The following PDE1A variants were observed in gnomAD, a reference collection of about 807,000 sequenced individuals.
PDE1A encodes phosphodiesterase 1A.
Under a neutral mutation model 61.7 loss-of-function variants are expected in PDE1A, and 35 were observed. The ratio of observed to expected loss-of-function variants is 0.57; its 90% confidence interval spans 0.43 to 0.75. The LOEUF (loss-of-function observed/expected upper bound fraction) is 0.75, where lower values mean the gene tolerates loss of function less well. Among genes scored for constraint, PDE1A ranks in the 30% least tolerant of loss-of-function variants. The probability of loss-of-function intolerance (pLI) is 0.00; values close to 1 mark genes in which losing one functional copy is unlikely to be tolerated. For missense variants in PDE1A, 597 were observed against 630.6 expected (o/e 0.95, Z 0.57); for synonymous variants, 232 against 213.2 (o/e 1.09, Z -0.77).
the PDE1A span, among the ~76,000 whole-genome samples, chr2:182,710,859 A>G: frequency 1.3e-5 from 2 of 152,140 alleles, no homozygotes; most frequent in African/African-American, 4.8e-5. Flanking sequence ...CTCCACATCT[A>G]TGCTAACTCT....
intron 2 of PDE1A, among the ~76,000 whole-genome samples, chr2:182,497,250 T>A (rs1688771570): frequency 6.6e-6 from 1 of 152,138 alleles, no homozygotes; most frequent in Admixed American, 6.5e-5. Flanking sequence ...TCCAAGAGAA[T>A]CAATTCGTTT....
At chr2:182,463,367 C>T (rs1197424159) in intron 2 of PDE1A, among the ~76,000 whole-genome samples, 1 of 151,906 alleles carries the variant, frequency 6.6e-6, no homozygotes, top group Admixed American at 6.6e-5. Context: ...GACTCTCACC[C>T]CCTGGAATGC....
the PDE1A span, among the ~76,000 whole-genome samples, chr2:182,611,268 A>T: frequency 6.6e-6 from 1 of 152,232 alleles, no homozygotes; most frequent in South Asian, 2.1e-4. Flanking sequence ...CAGAACTCCA[A>T]GCTGTTTACC....
the PDE1A span, among the ~76,000 whole-genome samples, chr2:182,559,109 T>C: frequency 6.6e-6 from 1 of 152,198 alleles, no homozygotes; most frequent in African/African-American, 2.4e-5. Context: ...TTATCTTGAC[T>C]CCTTATATTT....
chr2:182,630,248 CT>C, the PDE1A span, among the ~76,000 whole-genome samples: 3 of 151,908 alleles, frequency 2.0e-5, no homozygotes, highest in Non-Finnish European at 4.4e-5. Flanking sequence ...ATGTTGCTAA[CT>C]TTAATATTTA....
chr2:182,602,992 CACATACAT>C, the PDE1A span, among the ~76,000 whole-genome samples: 61 of 130,492 alleles, frequency 4.7e-4, no homozygotes, highest in South Asian at 1.2e-3. Flanking sequence ...CACACACACA[CACATACAT>C]ACATACATAC....
At chr2:182,179,920 T>C (rs1221632463) in intron 13 of PDE1A, among the ~76,000 whole-genome samples, 2 of 152,236 alleles carry the variant, frequency 1.3e-5, no homozygotes, top group African/African-American at 4.8e-5. Context: ...GTTTTTGCGA[T>C]ATCTGTGAAA....
the PDE1A span, among the ~76,000 whole-genome samples, chr2:182,603,534 G>C: frequency 6.6e-6 from 1 of 152,144 alleles, no homozygotes; most frequent in Non-Finnish European, 1.5e-5. Flanking sequence ...TTTTTTAGTA[G>C]AGACAGGGTT....
chr2:182,620,101 T>C, the PDE1A span, among the ~76,000 whole-genome samples: 1 of 152,192 alleles, frequency 6.6e-6, no homozygotes, highest in African/African-American at 2.4e-5. Context: ...ACACATAGTC[T>C]ACTGGGATTT....
chr2:182,269,434 G>A (rs1323997375), intron 1 of PDE1A, among the ~76,000 whole-genome samples: 1 of 151,858 alleles, frequency 6.6e-6, no homozygotes, highest in Non-Finnish European at 1.5e-5. Flanking sequence ...GTTGTGGTGA[G>A]CCAAGATCGC....
rs55786965 is a variant in PDE1A at position 182,487,613 on chromosome 2, T to C, written c.101+34663A>G. Among the ~76,000 whole-genome samples, 811 of 152,198 alleles carry C rather than the reference T, an allele frequency of 5.3e-3. 6 individuals are homozygous for C. Among genetic ancestry groups the C allele is most frequent in the African/African-American group, 0.018 (754 of 41,532 alleles). ...GTTCTGATATCCACTACAAAAACAC[T>C]GAGAACTGCATATTGCCTGATAGAT... On this transcript the variant is annotated intron_variant, in intron 2 of 14. Coordinates refer to the PDE1A transcript ENST00000410103.
chr2:182,701,807 G>C, the PDE1A span, among the ~76,000 whole-genome samples: 1 of 152,122 alleles, frequency 6.6e-6, no homozygotes, highest in Non-Finnish European at 1.5e-5. Context: ...TAGTCTCTAG[G>C]ATCTACTATA....
intron 2 of PDE1A, among the ~76,000 whole-genome samples, chr2:182,498,655 T>G (rs1688874712): frequency 6.6e-6 from 1 of 151,996 alleles, no homozygotes; most frequent in Admixed American, 6.5e-5. Context: ...GTATCAAAAT[T>G]ACCCTAAGGC....
chr2:182,266,617 A>G (rs753776074), intron 1 of PDE1A, among the ~76,000 whole-genome samples: 5 of 152,172 alleles, frequency 3.3e-5, no homozygotes, highest in African/African-American at 7.2e-5. Flanking sequence ...AAAACACTAC[A>G]TTTTCTAAGC....
chr2:182,638,824 C>T, the PDE1A span, among the ~76,000 whole-genome samples: 2 of 152,136 alleles, frequency 1.3e-5, no homozygotes, highest in Admixed American at 6.5e-5. Context: ...AAACTATCAC[C>T]TTTCCACACA....
chr2:182,549,935 T>C, the PDE1A span, among the ~76,000 whole-genome samples: 2 of 152,226 alleles, frequency 1.3e-5, no homozygotes, highest in Non-Finnish European at 2.9e-5. Flanking sequence ...AATTTAGCTA[T>C]TATCTTTATG....
At chr2:182,697,298 C>G in the PDE1A span, among the ~76,000 whole-genome samples, 8 of 152,316 alleles carry the variant, frequency 5.3e-5, no homozygotes, top group Non-Finnish European at 8.8e-5. Context: ...CCACTTGCCA[C>G]TTAACTGTGT....
chr2:182,650,821 A>G, the PDE1A span, among the ~76,000 whole-genome samples: 2 of 152,220 alleles, frequency 1.3e-5, no homozygotes, highest in Non-Finnish European at 2.9e-5. Flanking sequence ...GGAAAATCCC[A>G]CTGCTCCATG....
At chr2:182,613,470 G>A in the PDE1A span, among the ~76,000 whole-genome samples, 1 of 151,866 alleles carries the variant, frequency 6.6e-6, no homozygotes, top group Non-Finnish European at 1.5e-5. Flanking sequence ...GGCTGAGGCA[G>A]GAGAATTGCG....
Sources: gnomAD v4.1 joint callset for allele counts (sites outside exome capture counted in the v4.1 genomes callset) on GRCh38, gnomAD v4.1.1 for gene constraint, MANE v1.5 for transcripts, NCBI Gene and HGNC (gene_info 2026-07-23, HGNC 2026-07-21) for gene names.